The following NRXN3 variants were observed in gnomAD, a reference collection of about 807,000 sequenced individuals.
NRXN3 encodes neurexin III.
In NRXN3, 32 loss-of-function variants were observed where a neutral mutation model predicts 137.6. The observed-to-expected ratio is 0.23, with a 90% CI of 0.18 to 0.31. NRXN3 has a LOEUF of 0.31. Ranked by LOEUF, NRXN3 falls within the 10% of genes least tolerant of loss-of-function variation. The pLI is 1.00. For missense variants in NRXN3, 1,574 were observed against 2,062.5 expected (o/e 0.76, Z 4.59); for synonymous variants, 798 against 784.5 (o/e 1.02, Z -0.29).
intron 10 of NRXN3, among the ~76,000 whole-genome samples, chr14:78,822,197 G>A (rs1408020810): frequency 6.6e-6 from 1 of 152,144 alleles, no homozygotes; most frequent in Non-Finnish European, 1.5e-5. Context: ...ACATTTGACA[G>A]TCTTTGCTAT....
intron 4 of NRXN3, among the ~76,000 whole-genome samples, chr14:78,404,484 C>T (rs1203022763): frequency 1.3e-5 from 2 of 151,954 alleles, no homozygotes; most frequent in Non-Finnish European, 2.9e-5. Flanking sequence ...GCACCTGGGT[C>T]GGCTTTCTTG....
intron 16 of NRXN3, chr14:79,573,073 T>G (rs1262531788): frequency 1.3e-5 from 2 of 152,230 alleles, no homozygotes; most frequent in African/African-American, 2.4e-5. Flanking sequence ...TTCAGATATC[T>G]TCTCCCCTGT....
At chr14:79,701,142 A>G (rs969213053) in intron 19 of NRXN3, among the ~76,000 whole-genome samples, 5 of 152,038 alleles carry the variant, frequency 3.3e-5, no homozygotes, top group African/African-American at 1.2e-4. Flanking sequence ...TGTATTTTTC[A>G]GTAGTAAGGC....
chr14:79,524,056 T>C (rs1422463186), intron 16 of NRXN3, among the ~76,000 whole-genome samples: 6 of 152,176 alleles, frequency 3.9e-5, no homozygotes, highest in African/African-American at 9.7e-5. Flanking sequence ...TAATCGGTAA[T>C]GAGAACATCC....
intron 15 of NRXN3, among the ~76,000 whole-genome samples, chr14:79,362,874 A>G (rs1314128790): frequency 6.6e-6 from 1 of 152,274 alleles, no homozygotes; most frequent in Non-Finnish European, 1.5e-5. Flanking sequence ...ATGCAGAATA[A>G]CATTTCCATT....
rs2099418220 is a variant in NRXN3, at chr14:79,866,744, C to CTGA, written c.*4782_*4784dup. The CTGA allele has an allele frequency of 6.6e-6, 1 of 152,124 alleles. No individual in the cohort carries two copies. Among genetic ancestry groups the CTGA allele is most frequent in the Non-Finnish European group, 1.5e-5 (1 of 68,028 alleles). 9.4% of individuals were successfully genotyped at this position (152,124 alleles called of 1,614,324 possible). On this transcript the variant is annotated 3_prime_UTR_variant, in exon 21 of 21. Transcript: ENST00000335750. ...TACTCTTATGGAGCAACCGAGTTTC[C>CTGA]TGATAGAGATGTTTATCTGGGGGAA...
intron 16 of NRXN3, among the ~76,000 whole-genome samples, chr14:79,545,662 G>A (rs1350185198): frequency 6.6e-6 from 1 of 151,836 alleles, no homozygotes; most frequent in Non-Finnish European, 1.5e-5. Flanking sequence ...GTATTCGGAG[G>A]GCTTGTTTTT....
At chr14:78,988,328 A>G in intron 15 of NRXN3, 187 bp downstream of exon 15, 1 of 690,966 alleles carries the variant, frequency 1.4e-6, no homozygotes, top group South Asian at 1.7e-5. Context: ...CTTGCTTAAC[A>G]ACACTAAATA....
chr14:79,164,152 T>C (rs755391009), intron 15 of NRXN3, among the ~76,000 whole-genome samples: 17 of 151,988 alleles, frequency 1.1e-4, no homozygotes, highest in Admixed American at 3.9e-4. Context: ...ACCTGTCACT[T>C]ATCACTTCTT....
At chr14:78,359,541 A>G (rs938804634) in intron 4 of NRXN3, among the ~76,000 whole-genome samples, 1 of 152,192 alleles carries the variant, frequency 6.6e-6, no homozygotes, top group Non-Finnish European at 1.5e-5. Context: ...TTCTGCAGCT[A>G]GAGTTGAGCT....
chr14:78,559,935 C>T (rs530741531), intron 4 of NRXN3, among the ~76,000 whole-genome samples: 15 of 152,208 alleles, frequency 9.9e-5, no homozygotes, highest in Admixed American at 2.0e-4. Context: ...TTGTCTGCAG[C>T]GAGCACCTTT....
At chr14:78,624,108 T>A (rs1305979661) in intron 4 of NRXN3, among the ~76,000 whole-genome samples, 2 of 152,228 alleles carry the variant, frequency 1.3e-5, no homozygotes, top group African/African-American at 2.4e-5. Flanking sequence ...AGCAGACACC[T>A]ACAGATTTGT....
At chr14:79,519,516 C>G (rs2097037293) in intron 16 of NRXN3, among the ~76,000 whole-genome samples, 1 of 151,842 alleles carries the variant, frequency 6.6e-6, no homozygotes, top group Admixed American at 6.6e-5. Flanking sequence ...GTTATTTTCT[C>G]CTGTCAATAT....
chr14:78,203,419 A>G (rs1245644012), intron 1 of NRXN3, among the ~76,000 whole-genome samples: 1 of 152,160 alleles, frequency 6.6e-6, no homozygotes, highest in South Asian at 2.1e-4. Context: ...GCTCCCAGGT[A>G]TGATGTATTT....
intron 15 of NRXN3, among the ~76,000 whole-genome samples, chr14:79,320,625 C>T (rs2089829156): frequency 6.6e-6 from 1 of 152,074 alleles, no homozygotes. Context: ...GTATATTGTT[C>T]TAAATGCAAG....
intron 15 of NRXN3, among the ~76,000 whole-genome samples, chr14:79,441,330 A>G (rs1417277519): frequency 6.6e-6 from 1 of 151,182 alleles, no homozygotes; most frequent in African/African-American, 2.4e-5. Context: ...TGTCCAAACA[A>G]AATGCTGAAA....
chr14:78,422,645 C>T (rs2093496572), intron 4 of NRXN3, among the ~76,000 whole-genome samples: 1 of 152,222 alleles, frequency 6.6e-6, no homozygotes, highest in Non-Finnish European at 1.5e-5. Flanking sequence ...AATCAATCAA[C>T]ACCTACTTAT....
rs1266469957 is a variant in NRXN3, at chr14:79,206,467, A to G, written c.3262+218326A>G. Among the ~76,000 whole-genome samples the G allele has an allele frequency of 2.0e-5, 3 of 152,266 alleles. No individual in the cohort carries two copies. The East Asian group carries it at 5.8e-4, about 29-fold the overall frequency. On this transcript the variant is annotated intron_variant, in intron 15 of 20. Transcript: ENST00000335750. ...GACAAGGGTCCATCATCTCTTCTTG[A>G]CTATAAAGAAAAACTGGGGATACAG...
chr14:79,061,372 G>C (rs1018042704), intron 15 of NRXN3, among the ~76,000 whole-genome samples: 1 of 152,188 alleles, frequency 6.6e-6, no homozygotes, highest in Non-Finnish European at 1.5e-5. Context: ...GGAAGAGATC[G>C]TCTGAGAGTT....
Sources: gnomAD v4.1 joint callset for allele counts (sites outside exome capture counted in the v4.1 genomes callset) on GRCh38, gnomAD v4.1.1 for gene constraint, MANE v1.5 for transcripts, NCBI Gene and HGNC (gene_info 2026-07-23, HGNC 2026-07-21) for gene names.